Variants in ROR2 observed in about 807,000 individuals in gnomAD.
ROR2 encodes tyrosine-protein kinase transmembrane receptor ROR2.
ROR2 carries 33 observed loss-of-function variants against 74.9 expected under a neutral mutation model. That is an observed-to-expected ratio of 0.44 (90% CI 0.33 to 0.59). ROR2 has a LOEUF of 0.59. ROR2 is among the 20% of genes least tolerant of loss of function. The pLI is 0.02. For synonymous variants in ROR2, 586 were observed against 558.7 expected (o/e 1.05, Z -0.69); for missense variants, 1,216 against 1,313.8 (o/e 0.93, Z 1.15).
At position 91,757,341 on chromosome 9, in the gene ROR2, A is replaced by G. The variant is rs774277014; in HGVS notation, c.394T>C (p.Tyr132His). The G allele has an allele frequency of 2.4e-5, 38 of 1,613,872 alleles. No individual in the cohort carries two copies. The highest frequency in any genetic ancestry group is 3.0e-5 in the Non-Finnish European group (35 of 1,180,000). Residue 132 changes from tyrosine (Y) to histidine (H), a missense_variant, in exon 3 of 9, where the codon TAC becomes CAC. By Grantham distance (83) the Tyr-to-His change is moderately conservative. Transcript: ENST00000375708. ...CCGTTGGTGGCCACGCACTGGTAGT[A>G]GCCAGTGTCTGTCGTGTCCAGGTCC... is the stretch of plus-strand genomic sequence containing the variant. ...IQDLDTTDTG[Y>H]YQCVATNGMK...
intron 1 of ROR2, among the ~76,000 whole-genome samples, chr9:91,792,480 T>G (rs1234690123): frequency 6.6e-6 from 1 of 152,142 alleles, no homozygotes; most frequent in Non-Finnish European, 1.5e-5. Context: ...AGCTAATTTT[T>G]TGTACTTTTA....
intron 1 of ROR2, among the ~76,000 whole-genome samples, chr9:91,863,748 G>C (rs1037763791): frequency 2.0e-5 from 3 of 152,010 alleles, no homozygotes; most frequent in African/African-American, 7.3e-5. Context: ...GCTGGGCCTG[G>C]GGGGAGATAG....
intron 1 of ROR2, among the ~76,000 whole-genome samples, chr9:91,813,127 A>G (rs1827814602): frequency 1.3e-5 from 2 of 152,332 alleles, no homozygotes; most frequent in South Asian, 4.1e-4. Context: ...TAGAAAAAAA[A>G]AATAAAAATT....
chr9:91,945,293 C>CGT (rs1831986103), intron 1 of ROR2, among the ~76,000 whole-genome samples: 1 of 152,162 alleles, frequency 6.6e-6, no homozygotes, highest in African/African-American at 2.4e-5. Flanking sequence ...CTATATTCCA[C>CGT]AGCACAAGCC....
In ROR2 at chr9:91,947,759, G is replaced by A. The variant is rs1791967093; in HGVS notation, c.97+2108C>T. Among the ~76,000 whole-genome samples the A allele has an allele frequency of 3.3e-5, 5 of 152,036 alleles. 1 individual carries two copies. In the South Asian group the frequency reaches 1.0e-3, roughly 32 times the overall value. On this transcript the variant is annotated intron_variant, in intron 1 of 8. Coordinates refer to ENST00000375708, the MANE Select transcript of ROR2 (RefSeq NM_004560.4). ...GAATAAGAACTTACAAATCCTTTTA[G>A]AAAAACCCCTAAATAGTTTTACATA...
intron 1 of ROR2, among the ~76,000 whole-genome samples, chr9:91,852,579 G>A (rs1383300688): frequency 1.3e-5 from 2 of 149,514 alleles, no homozygotes; most frequent in Non-Finnish European, 2.9e-5. Context: ...AGCCCATCTG[G>A]ATTCAGTTGA....
intron 1 of ROR2, among the ~76,000 whole-genome samples, chr9:91,858,286 C>T (rs1829359251): frequency 1.3e-5 from 2 of 152,256 alleles, no homozygotes; most frequent in African/African-American, 2.4e-5. Flanking sequence ...CCTGCACACA[C>T]GCATGCATCC....
At chr9:91,731,301 G>A (rs1837235476) in intron 6 of ROR2, 146 bp from the exon 7 acceptor site, 9 of 1,163,364 alleles carry the variant, frequency 7.7e-6, no homozygotes, top group South Asian at 7.7e-5. Context: ...GCTTAATGAA[G>A]TCCCAAGCCC....
At chr9:91,939,274 A>C (rs541240003) in intron 1 of ROR2, among the ~76,000 whole-genome samples, 90 of 152,308 alleles carry the variant, frequency 5.9e-4, no homozygotes, top group African/African-American at 2.1e-3. Flanking sequence ...AATTAAATTA[A>C]ATGTTAACAA....
At chr9:91,729,733 G>C (rs1837168777) in intron 7 of ROR2, among the ~76,000 whole-genome samples, 1 of 152,186 alleles carries the variant, frequency 6.6e-6, no homozygotes, top group Admixed American at 6.5e-5. Context: ...GACTAAGACA[G>C]AGGTGAGAAC....
intron 3 of ROR2, among the ~76,000 whole-genome samples, chr9:91,756,579 C>A (rs927667662): frequency 7.9e-5 from 12 of 152,026 alleles, no homozygotes; most frequent in Non-Finnish European, 1.5e-5. Flanking sequence ...CAGCCTCGGG[C>A]CCTACCTAGC....
chr9:91,782,600 A>C (rs1258666370), intron 1 of ROR2, among the ~76,000 whole-genome samples: 2 of 149,120 alleles, frequency 1.3e-5, no homozygotes, highest in East Asian at 1.9e-4. Context: ...AAAAAAAAAA[A>C]AAAAAACCCT....
rs78823154 is a variant in ROR2 at position 91,786,366 on chromosome 9, A to G, written c.98-10548T>C. 6.1e-3 allele frequency among the ~76,000 whole-genome samples: 750 copies of G among 122,806 alleles called. 4 individuals carry two copies. The highest frequency in any genetic ancestry group is 0.015 in the Middle Eastern group (3 of 206). 80.6% of individuals were successfully genotyped at this position (122,806 alleles called of 152,430 possible). A position where few individuals can be genotyped will look rare whatever the true frequency, so the allele number is the denominator to read the frequency against. ...AATCAATCAATAAGTAAATAAATAA[A>G]TAAATAAATAAATAAATGGGCAATA... On this transcript the variant is annotated intron_variant, in intron 1 of 8. Transcript: ENST00000375708.
chr9:91,895,958 C>T (rs1253365236), intron 1 of ROR2, among the ~76,000 whole-genome samples: 2 of 152,192 alleles, frequency 1.3e-5, no homozygotes, highest in Non-Finnish European at 2.9e-5. Flanking sequence ...CACCCGCGTG[C>T]CAGTACCTCC....
rs75238772 is a variant in ROR2 at position 91,841,977 on chromosome 9, C to T, written c.98-66159G>A. On this transcript the variant is annotated intron_variant, in intron 1 of 8. Transcript: ENST00000375708. ...CCAAGGCCAAGCAATGAAGTCAGGGCGGGGAAGGATGTGGACCTCTGATGG... is the reference window on the plus strand; with the variant it reads ...CCAAGGCCAAGCAATGAAGTCAGGGTGGGGAAGGATGTGGACCTCTGATGG... Among the ~76,000 whole-genome samples the T allele has an allele frequency of 6.0e-3, 920 of 152,242 alleles. 6 individuals are homozygous for T. Among genetic ancestry groups the T allele is most frequent in the African/African-American group, 0.02 (845 of 41,548 alleles).
chr9:91,727,809 G>A (rs1837096012), intron 7 of ROR2, among the ~76,000 whole-genome samples: 1 of 152,190 alleles, frequency 6.6e-6, no homozygotes. Context: ...AGGCCTAAAA[G>A]AGCTAACTCG....
chr9:91,826,598 A>T (rs1217783562), intron 1 of ROR2, among the ~76,000 whole-genome samples: 2 of 151,862 alleles, frequency 1.3e-5, no homozygotes, highest in Non-Finnish European at 2.9e-5. Context: ...TGGCTAACAC[A>T]GTGAAACCCC....
chr9:91,866,648 A>G (rs949235302), intron 1 of ROR2, among the ~76,000 whole-genome samples: 4 of 152,172 alleles, frequency 2.6e-5, no homozygotes, highest in Admixed American at 6.5e-5. Flanking sequence ...TGCACTGAAC[A>G]GTAAGGGAGC....
intron 1 of ROR2, among the ~76,000 whole-genome samples, chr9:91,802,403 C>T (rs1338603494): frequency 2.6e-5 from 4 of 152,094 alleles, no homozygotes; most frequent in African/African-American, 9.7e-5. Context: ...CCAACCTGTC[C>T]TTTTGTATCA....
Sources: gnomAD v4.1 joint callset for allele counts (sites outside exome capture counted in the v4.1 genomes callset) on GRCh38, gnomAD v4.1.1 for gene constraint, MANE v1.5 for transcripts, NCBI Gene and HGNC (gene_info 2026-07-23, HGNC 2026-07-21) for gene names.